OSBPL10: variants seen among roughly 807,000 people sequenced by gnomAD.
The protein encoded by OSBPL10 is oxysterol-binding protein-related protein 10.
OSBPL10 carries 49 observed loss-of-function variants against 81.7 expected under a neutral mutation model. The observed-to-expected ratio is 0.60, with a 90% CI of 0.48 to 0.76. OSBPL10 has a LOEUF of 0.76. Among genes scored for constraint, OSBPL10 ranks in the 30% least tolerant of loss-of-function variants. OSBPL10 has a pLI of 0.00. For synonymous variants in OSBPL10, 419 were observed against 383.6 expected (o/e 1.09, Z -1.08); for missense variants, 923 against 987.8 (o/e 0.93, Z 0.88).
chr3:31,956,984 A>G (rs1053309930), intron 1 of OSBPL10, among the ~76,000 whole-genome samples: 1 of 151,932 alleles, frequency 6.6e-6, no homozygotes, highest in Non-Finnish European at 1.5e-5. Context: ...AATACAAAAA[A>G]GTTATCTGGA....
Position 31,684,095 on chromosome 3 carries a change from A to AT in OSBPL10, c.1264dup (p.Ile422AsnfsTer39). On this transcript the variant is annotated frameshift_variant, in exon 8 of 12. Transcript: ENST00000396556. LOFTEE classifies it high-confidence loss of function. ...CTCCAGCAAAGATCGCTTCTCCAGG[A>AT]TAAAGGTGGGAAGCACCACCTGCAT... 1 of 1,613,470 alleles carries AT rather than the reference A, an allele frequency of 6.2e-7. No homozygotes were observed. The highest frequency in any genetic ancestry group is 8.5e-7 in the Non-Finnish European group (1 of 1,179,396).
rs577899690 is a variant in OSBPL10, at chr3:31,677,950, G to A, written c.1726+5684C>T. On this transcript the variant is annotated intron_variant, in intron 8 of 11. Transcript: ENST00000396556. ...CAAAAAATTAGCCGGGCGCGGTGGC[G>A]GGCGCCTGTAGTCCCAGCTACTCGG... Among the ~76,000 whole-genome samples, 28 of 150,962 alleles carry A rather than the reference G, an allele frequency of 1.9e-4. 1 individual carries two copies. Among genetic ancestry groups the A allele is most frequent in the Admixed American group, 4.6e-4 (7 of 15,220 alleles).
At chr3:32,059,744 C>A (rs1699741279) in intron 1 of OSBPL10, among the ~76,000 whole-genome samples, 1 of 151,738 alleles carries the variant, frequency 6.6e-6, no homozygotes, top group Admixed American at 6.6e-5. Flanking sequence ...ACAGTGAGAT[C>A]CCATCTCTAT....
chr3:31,723,955 T>C (rs925336787), intron 6 of OSBPL10, among the ~76,000 whole-genome samples: 7 of 152,166 alleles, frequency 4.6e-5, no homozygotes, highest in African/African-American at 1.7e-4. Flanking sequence ...TATAATTTCA[T>C]AGAACTAGGC....
intron 2 of OSBPL10, among the ~76,000 whole-genome samples, chr3:32,026,822 A>C (rs1286791763): frequency 6.6e-6 from 1 of 152,178 alleles, no homozygotes; most frequent in African/African-American, 2.4e-5. Context: ...GCAGTTCCCC[A>C]TAGAGCCCAC....
chr3:31,979,455 G>A (rs1698770267), intron 1 of OSBPL10, among the ~76,000 whole-genome samples: 1 of 152,122 alleles, frequency 6.6e-6, no homozygotes, highest in African/African-American at 2.4e-5. Context: ...TGTTTCAGAT[G>A]GAAGCAAATC....
chr3:32,022,703 G>A (rs1259764061), intron 2 of OSBPL10, among the ~76,000 whole-genome samples: 2 of 152,046 alleles, frequency 1.3e-5, no homozygotes, highest in African/African-American at 4.8e-5. Context: ...ACTTGAGCCC[G>A]GGAGGCAGAG....
At chr3:32,065,738 C>T (rs1699771985) in intron 1 of OSBPL10, among the ~76,000 whole-genome samples, 1 of 88,716 alleles carries the variant, frequency 1.1e-5, no homozygotes, top group Non-Finnish European at 3.0e-5. Flanking sequence ...AAAAATCAGC[C>T]AGGCATGGTG....
intron 1 of OSBPL10, among the ~76,000 whole-genome samples, chr3:32,058,779 C>T (rs1051855831): frequency 2.0e-5 from 3 of 152,214 alleles, no homozygotes; most frequent in African/African-American, 7.2e-5. Context: ...ATCTTCCTGC[C>T]TTAGCCTCCC....
chr3:31,706,373 T>C, intron 6 of OSBPL10, among the ~76,000 whole-genome samples: 1 of 152,174 alleles, frequency 6.6e-6, no homozygotes, highest in East Asian at 1.9e-4. Context: ...ATAGCTCCCC[T>C]TGGATTCTTA....
intron 4 of OSBPL10, among the ~76,000 whole-genome samples, chr3:31,817,954 A>T (rs945070483): frequency 5.9e-5 from 9 of 152,122 alleles, no homozygotes; most frequent in African/African-American, 2.2e-4. Context: ...AAAATACAAA[A>T]ATTAGCTGGG....
In OSBPL10 at chr3:31,965,790, AAGAT is replaced by A. The variant is rs1304295907; in HGVS notation, c.281+15105_281+15108del. ...GATAATATATATTATATAAATAGAT[AAGAT>A]ATATTATCTATTTATATAATATATA... is the stretch of plus-strand genomic sequence containing the variant. On this transcript the variant is annotated intron_variant, in intron 1 of 11. Transcript: ENST00000396556. 5.1e-5 allele frequency among the ~76,000 whole-genome samples: 4 copies of A among 78,386 alleles called. 1 individual carries two copies. Among genetic ancestry groups the A allele is most frequent in the Non-Finnish European group, 8.3e-5 (4 of 48,278 alleles). 51.4% of individuals were successfully genotyped at this position (78,386 alleles called of 152,430 possible).
At chr3:31,986,616 GA>G (rs1698937436) in intron 2 of OSBPL10, among the ~76,000 whole-genome samples, 1 of 151,972 alleles carries the variant, frequency 6.6e-6, no homozygotes, top group Non-Finnish European at 1.5e-5. Flanking sequence ...TTTTTTATAC[GA>G]AAAAATACAA....
intron 3 of OSBPL10, among the ~76,000 whole-genome samples, chr3:31,875,903 T>A (rs1701458855): frequency 6.6e-6 from 1 of 152,158 alleles, no homozygotes; most frequent in Non-Finnish European, 1.5e-5. Flanking sequence ...TCCATGAAAA[T>A]GCCCACCTCC....
intron 4 of OSBPL10, among the ~76,000 whole-genome samples, chr3:31,769,465 A>C (rs1192075530): frequency 9.9e-6 from 1 of 100,528 alleles, no homozygotes; most frequent in Non-Finnish European, 2.1e-5. Context: ...AAAACAAAAA[A>C]AAAACAAAAA....
chr3:31,720,152 A>G (rs1193196826), intron 6 of OSBPL10, among the ~76,000 whole-genome samples: 2 of 151,788 alleles, frequency 1.3e-5, no homozygotes, highest in Non-Finnish European at 2.9e-5. Flanking sequence ...GGTGGCATCA[A>G]AAGGAAATAC....
intron 3 of OSBPL10, among the ~76,000 whole-genome samples, chr3:31,839,735 A>G (rs2125551595): frequency 6.6e-6 from 1 of 151,590 alleles, no homozygotes; most frequent in African/African-American, 2.4e-5. Flanking sequence ...GCAGAGGTGG[A>G]AGTGAGCAAA....
chr3:31,955,275 T>C (rs969554433), intron 1 of OSBPL10, among the ~76,000 whole-genome samples: 2 of 152,246 alleles, frequency 1.3e-5, no homozygotes, highest in Non-Finnish European at 2.9e-5. Flanking sequence ...CATCTGGTCT[T>C]ACCATCACAA....
chr3:31,956,244 T>C (rs529065535), intron 1 of OSBPL10, among the ~76,000 whole-genome samples: 1 of 152,172 alleles, frequency 6.6e-6, no homozygotes, highest in African/African-American at 2.4e-5. Context: ...AACTCTTTAG[T>C]ACAGGAGAGT....
Sources: gnomAD v4.1 joint callset for allele counts (sites outside exome capture counted in the v4.1 genomes callset) on GRCh38, gnomAD v4.1.1 for gene constraint, MANE v1.5 for transcripts, NCBI Gene and HGNC (gene_info 2026-07-23, HGNC 2026-07-21) for gene names.